The following ARHGAP25 variants were observed in gnomAD, a reference collection of about 807,000 sequenced individuals.
ARHGAP25 encodes the protein Rho GTPase activating protein 25.
In ARHGAP25, 34 loss-of-function variants were observed where a neutral mutation model predicts 71.0. The observed-to-expected ratio is 0.48, with a 90% CI of 0.36 to 0.64. The LOEUF is 0.64. Ranked by LOEUF, ARHGAP25 falls within the 30% of genes least tolerant of loss-of-function variation. The pLI, the probability that ARHGAP25 is intolerant of heterozygous loss-of-function variation, is 0.00. For missense variants in ARHGAP25, 706 were observed against 805.1 expected (o/e 0.88, Z 1.49); for synonymous variants, 282 against 296.5 (o/e 0.95, Z 0.50).
At chr2:68,810,120 C>T in intron 5 of ARHGAP25, among the ~76,000 whole-genome samples, 1 of 125,900 alleles carries the variant, frequency 7.9e-6, no homozygotes, top group East Asian at 2.8e-4. Context: ...TTACTCTTAG[C>T]CCTTGATTAA....
At chr2:68,805,169 G>A (rs1249826125) in intron 4 of ARHGAP25, among the ~76,000 whole-genome samples, 2 of 152,110 alleles carry the variant, frequency 1.3e-5, no homozygotes, top group East Asian at 1.9e-4. Context: ...ACAGGGAGGA[G>A]ACTGTTCAAG....
At chr2:68,763,357 A>G (rs1045524537) in intron 1 of ARHGAP25, among the ~76,000 whole-genome samples, 1 of 152,188 alleles carries the variant, frequency 6.6e-6, no homozygotes, top group Admixed American at 6.5e-5. Context: ...TCATTTTTCC[A>G]TATACAGTTA....
chr2:68,816,984 A>C (rs1681277497), intron 7 of ARHGAP25: 1 of 152,322 alleles, frequency 6.6e-6, no homozygotes, highest in African/African-American at 2.4e-5. Flanking sequence ...AGCAACAAGC[A>C]CTATTAACAC....
At chr2:68,789,024 T>C (rs1678965375) in intron 4 of ARHGAP25, among the ~76,000 whole-genome samples, 1 of 152,044 alleles carries the variant, frequency 6.6e-6, no homozygotes, top group Admixed American at 6.6e-5. Flanking sequence ...CAAGTTGCTA[T>C]GGAATCTTTT....
intron 5 of ARHGAP25, among the ~76,000 whole-genome samples, chr2:68,811,310 G>T (rs1371181360): frequency 6.6e-6 from 1 of 152,184 alleles, no homozygotes; most frequent in African/African-American, 2.4e-5. Flanking sequence ...CCAGGATGCT[G>T]ATAGAGACAA....
At chr2:68,805,292 C>A (rs1680281851) in intron 4 of ARHGAP25, among the ~76,000 whole-genome samples, 1 of 152,054 alleles carries the variant, frequency 6.6e-6, no homozygotes, top group Non-Finnish European at 1.5e-5. Context: ...TTGAGGAATG[C>A]CAGCCTTGAT....
At chr2:68,759,594 A>G (rs549470511) in intron 1 of ARHGAP25, among the ~76,000 whole-genome samples, 1 of 151,914 alleles carries the variant, frequency 6.6e-6, no homozygotes, top group Admixed American at 6.6e-5. Context: ...CAATTCAGTC[A>G]ATAATCAAAA....
At chr2:68,718,942 T>C (rs1339141226) in intron 2 of ARHGAP25, among the ~76,000 whole-genome samples, 1 of 151,974 alleles carries the variant, frequency 6.6e-6, no homozygotes, top group Non-Finnish European at 1.5e-5. Context: ...AGCTAGAGAT[T>C]GAGTTAGTAA....
At chr2:68,820,741 C>A (rs1681587607) in intron 9 of ARHGAP25, among the ~76,000 whole-genome samples, 1 of 151,848 alleles carries the variant, frequency 6.6e-6, no homozygotes, top group Admixed American at 6.6e-5. Context: ...CCCCACCCAC[C>A]CCATCCCTCA....
At chr2:68,760,794 A>G (rs1268568773) in intron 1 of ARHGAP25, among the ~76,000 whole-genome samples, 1 of 151,688 alleles carries the variant, frequency 6.6e-6, no homozygotes, top group Non-Finnish European at 1.5e-5. Flanking sequence ...TCAAAATCCC[A>G]ATGACTTTTT....
At chr2:68,782,350 A>C in intron 3 of ARHGAP25, 30 bp downstream of exon 3, 1 of 1,595,064 alleles carries the variant, frequency 6.3e-7, no homozygotes, top group Non-Finnish European at 8.6e-7. Flanking sequence ...ACAGAGGTGC[A>C]GTGCAGAAGT....
chr2:68,821,164 A>G (rs1474876800), intron 9 of ARHGAP25, among the ~76,000 whole-genome samples: 1 of 134,952 alleles, frequency 7.4e-6, no homozygotes, highest in African/African-American at 2.8e-5. Flanking sequence ...TGGTGCGATC[A>G]CAGCTTACTG....
At chr2:68,786,654 C>T (rs1025815181) in intron 3 of ARHGAP25, among the ~76,000 whole-genome samples, 1 of 152,096 alleles carries the variant, frequency 6.6e-6, no homozygotes, top group Non-Finnish European at 1.5e-5. Flanking sequence ...GACCTAATGA[C>T]AAGATGGAGT....
intron 9 of ARHGAP25, among the ~76,000 whole-genome samples, chr2:68,822,051 T>TTTCAGTC (rs1681724358): frequency 6.6e-6 from 1 of 152,100 alleles, no homozygotes. Flanking sequence ...CAGTCATAGT[T>TTTCAGTC]ATAAAGACCA....
intron 1 of ARHGAP25, among the ~76,000 whole-genome samples, chr2:68,751,454 G>T (rs1676171197): frequency 6.6e-6 from 1 of 152,236 alleles, no homozygotes; most frequent in African/African-American, 2.4e-5. Context: ...TTAGAGGACA[G>T]TTAAGACTCT....
chr2:68,721,104 G>T (rs1327242595), intron 2 of ARHGAP25, among the ~76,000 whole-genome samples: 2 of 152,136 alleles, frequency 1.3e-5, no homozygotes, highest in African/African-American at 4.8e-5. Flanking sequence ...ATTAACATTG[G>T]AAATAGTTAT....
chr2:68,764,227 C>T (rs1053822559), intron 1 of ARHGAP25, among the ~76,000 whole-genome samples: 6 of 152,168 alleles, frequency 3.9e-5, no homozygotes, highest in Non-Finnish European at 8.8e-5. Flanking sequence ...AGTAGTATTG[C>T]GCTGTTTGGC....
Position 68,764,467 on chromosome 2 carries a change from C to A in ARHGAP25, c.62-10754C>A, listed in dbSNP as rs556326638. Among the ~76,000 whole-genome samples, 27 of 152,190 alleles carry A rather than the reference C, an allele frequency of 1.8e-4. No individual in the cohort carries two copies. The South Asian group carries it at 4.8e-3, about 27-fold the overall frequency. ...TTAAGGGGTTAAGGGAGGGTAGCTA[C>A]CCTCTCTGTTGAAGGAAAGTTCATT... On this transcript the variant is annotated intron_variant, in intron 1 of 10. Transcript: ENST00000409202.
chr2:68,800,482 A>G (rs939286649), intron 4 of ARHGAP25, among the ~76,000 whole-genome samples: 1 of 152,116 alleles, frequency 6.6e-6, no homozygotes, highest in Non-Finnish European at 1.5e-5. Flanking sequence ...GTGGTTGTTC[A>G]GGATGGGGTC....
Sources: allele counts gnomAD v4.1 joint callset (sites outside exome capture counted in the v4.1 genomes callset), GRCh38; gene constraint gnomAD v4.1.1; transcripts MANE v1.5; gene names NCBI Gene and HGNC (gene_info 2026-07-23, HGNC 2026-07-21).